Variants in AMMECR1 observed in about 807,000 individuals in gnomAD.
AMMECR1 encodes the protein nuclear protein AMMECR1.
AMMECR1 carries 3 observed loss-of-function variants against 22.5 expected under a neutral mutation model. The ratio of observed to expected loss-of-function variants is 0.13; its 90% CI spans 0.06 to 0.35. The LOEUF is 0.35. Among genes scored for constraint, AMMECR1 ranks in the 10% least tolerant of loss-of-function variants. The probability of loss-of-function intolerance (pLI) is 1.00; values close to 1 mark genes in which losing one functional copy is unlikely to be tolerated. For synonymous variants in AMMECR1, 130 were observed against 116.7 expected (o/e 1.11, Z -0.74); for missense variants, 235 against 278.7 (o/e 0.84, Z 1.12).
intron 2 of AMMECR1, among the ~76,000 whole-genome samples, chrX:110,415,093 TC>T (rs1036902071): frequency 3.5e-4 from 39 of 112,244 alleles, no homozygotes; most frequent in African/African-American, 1.2e-3. Context: ...CTTCTCTGTT[TC>T]CCCCATTAAA....
chrX:110,392,637 C>A (rs772617077), intron 2 of AMMECR1, among the ~76,000 whole-genome samples: 4 of 111,183 alleles, frequency 3.6e-5, no homozygotes, highest in Non-Finnish European at 7.5e-5. Context: ...TTTACAAGGG[C>A]TCACGCAAGA....
chrX:110,354,138 T>G (rs1462116427), intron 2 of AMMECR1, among the ~76,000 whole-genome samples: 1 of 111,755 alleles, frequency 8.9e-6, no homozygotes, highest in Non-Finnish European at 1.9e-5. Context: ...AAAATTCCAG[T>G]GTCATTTTTC....
intron 2 of AMMECR1, among the ~76,000 whole-genome samples, chrX:110,228,152 G>T (rs974580812): frequency 8.9e-6 from 1 of 111,989 alleles, no homozygotes; most frequent in Non-Finnish European, 1.9e-5. Context: ...TTGGAGGAAA[G>T]AATCTTTTAA....
At chrX:110,262,681 G>A (rs2067748022) in intron 2 of AMMECR1, among the ~76,000 whole-genome samples, 1 of 111,933 alleles carries the variant, frequency 8.9e-6, no homozygotes, top group Non-Finnish European at 1.9e-5. Context: ...TGACCACTAC[G>A]AAAGATTTCT....
At chrX:110,324,171 A>G (rs753425000) in intron 2 of AMMECR1, among the ~76,000 whole-genome samples, 2 of 109,734 alleles carry the variant, frequency 1.8e-5, no homozygotes, top group Non-Finnish European at 3.8e-5. Context: ...TAATTTATGT[A>G]TTTTTAGTAG....
At chrX:110,280,469 C>A in intron 1 of AMMECR1, among the ~76,000 whole-genome samples, 1 of 111,228 alleles carries the variant, frequency 9.0e-6, no homozygotes, top group African/African-American at 3.3e-5. Context: ...TGCTCTAAAG[C>A]TGAAAATGTG....
intron 2 of AMMECR1, among the ~76,000 whole-genome samples, chrX:110,383,283 C>T (rs922875548): frequency 2.7e-5 from 3 of 111,037 alleles, no homozygotes; most frequent in Non-Finnish European, 5.7e-5. Flanking sequence ...CATCCCCTTT[C>T]CAAAGAGTAT....
chrX:110,303,711 C>T (rs1426685918), intron 1 of AMMECR1, among the ~76,000 whole-genome samples: 1 of 111,913 alleles, frequency 8.9e-6, no homozygotes, highest in East Asian at 2.8e-4. Context: ...ATTGCAGATT[C>T]GACTATGATA....
chrX:110,214,029 C>G (rs1181214621), intron 3 of AMMECR1, among the ~76,000 whole-genome samples: 1 of 110,310 alleles, frequency 9.1e-6, no homozygotes, highest in East Asian at 2.8e-4. Flanking sequence ...TTTGGGAGGC[C>G]GAGGTGGGTG....
intron 2 of AMMECR1, among the ~76,000 whole-genome samples, chrX:110,402,111 A>C (rs2068569414): frequency 8.9e-6 from 1 of 112,303 alleles, no homozygotes; most frequent in Admixed American, 9.4e-5. Context: ...ATCTCTCTTG[A>C]TATCAAACTG....
At chrX:110,413,294 C>G (rs147038328) in intron 2 of AMMECR1, among the ~76,000 whole-genome samples, 2 of 111,310 alleles carry the variant, frequency 1.8e-5, no homozygotes, top group Non-Finnish European at 3.8e-5. Context: ...GTCTCCACGG[C>G]GGATCTCACG....
intron 2 of AMMECR1, among the ~76,000 whole-genome samples, chrX:110,242,851 A>C (rs1341931386): frequency 8.9e-6 from 1 of 112,443 alleles, no homozygotes; most frequent in Non-Finnish European, 1.9e-5. Flanking sequence ...CTAAGAAATA[A>C]ATGTAGTCAT....
Position 110,339,973 on chromosome X carries a change from TACACACAC to T in AMMECR1, c.-147-22132_-147-22125del, listed in dbSNP as rs35459612. On this transcript the variant is annotated intron_variant, in intron 2 of 7. Coordinates refer to the AMMECR1 transcript ENST00000372057. ...TTTTGCTGTAGTTGAAGGCAAAACATACACACACACACACACACACACACACACACACA... is the reference window on the plus strand; with the variant it reads ...TTTTGCTGTAGTTGAAGGCAAAACATACACACACACACACACACACACACA... Among the ~76,000 whole-genome samples, 146 of 78,794 alleles carry T rather than the reference TACACACAC, an allele frequency of 1.9e-3. 1 individual carries two copies. Among genetic ancestry groups the T allele is most frequent in the Non-Finnish European group, 2.8e-3 (113 of 40,671 alleles). 68.4% of individuals were successfully genotyped at this position (78,794 alleles called of 115,157 possible).
intron 2 of AMMECR1, among the ~76,000 whole-genome samples, chrX:110,378,834 C>T (rs2068397769): frequency 9.0e-6 from 1 of 111,347 alleles, no homozygotes; most frequent in South Asian, 3.9e-4. Context: ...GCTGGCTCTT[C>T]CAGTCTTGTG....
chrX:110,359,571 T>G (rs754299439), intron 2 of AMMECR1, among the ~76,000 whole-genome samples: 15 of 111,852 alleles, frequency 1.3e-4, no homozygotes, highest in African/African-American at 4.5e-4. Context: ...ATTCTCTGAT[T>G]CTGAATCTAA....
At chrX:110,269,807 A>G (rs2067789500) in intron 1 of AMMECR1, among the ~76,000 whole-genome samples, 1 of 112,220 alleles carries the variant, frequency 8.9e-6, no homozygotes, top group South Asian at 3.7e-4. Context: ...TCTAAATCAT[A>G]TAAACTACAG....
Position 110,216,583 on chromosome X carries a change from G to A in AMMECR1, c.634C>T (p.Arg212Trp), listed in dbSNP as rs374049534. Reference protein sequence around the residue: ...FPPMTRDELPRLFCSVSLLTN... With the variant: ...FPPMTRDELPWLFCSVSLLTN... ...AGCAGAGACACTGAGCAGAAAAGCC[G>A]TGGCAGCTCATCCCTTGTCATTGGG... Residue 212 changes from arginine to tryptophan, a missense_variant, in exon 3 of 6, where the codon CGG becomes TGG. Coordinates refer to ENST00000262844, the MANE Select transcript of AMMECR1 (RefSeq NM_015365.3). 26 of 1,207,261 alleles carry A rather than the reference G, an allele frequency of 2.2e-5. No individual in the cohort carries two copies. The highest frequency in any genetic ancestry group is 2.5e-5 in the Non-Finnish European group (22 of 893,223).
At chrX:110,331,093 C>T (rs1187134925) in intron 2 of AMMECR1, among the ~76,000 whole-genome samples, 2 of 109,016 alleles carry the variant, frequency 1.8e-5, no homozygotes, top group African/African-American at 6.7e-5. Context: ...CTTTGTTTCT[C>T]TAATAGCCCT....
chrX:110,215,968 CAG>C (rs1349053238), intron 3 of AMMECR1, among the ~76,000 whole-genome samples: 3 of 112,019 alleles, frequency 2.7e-5, no homozygotes, highest in African/African-American at 9.7e-5. Context: ...TAGCAATGCA[CAG>C]AGATACCCTA....
Sources: allele counts gnomAD v4.1 joint callset (sites outside exome capture counted in the v4.1 genomes callset), GRCh38; gene constraint gnomAD v4.1.1; transcripts MANE v1.5; gene names NCBI Gene and HGNC (gene_info 2026-07-23, HGNC 2026-07-21).